The following COL4A6 variants were observed in gnomAD, a reference collection of about 807,000 sequenced individuals.
The protein encoded by COL4A6 is collagen type IV alpha 6 chain.
In COL4A6, 59 loss-of-function variants were observed where a neutral mutation model predicts 126.7. That is an observed-to-expected ratio of 0.47 (90% CI 0.38 to 0.58). The LOEUF is 0.58. COL4A6 is among the 20% of genes least tolerant of loss of function. COL4A6 has a pLI of 0.00. For synonymous variants in COL4A6, 547 were observed against 496.6 expected (o/e 1.10, Z -1.35); for missense variants, 1,285 against 1,337.3 (o/e 0.96, Z 0.61).
intron 13 of COL4A6, among the ~76,000 whole-genome samples, 185 bp from the exon 14 acceptor site, chrX:108,196,764 G>A (rs2035232781): frequency 8.9e-6 from 1 of 111,848 alleles, no homozygotes; most frequent in South Asian, 3.8e-4. Context: ...ATTCATTCAA[G>A]GTTCCCTTTT....
chrX:108,281,181 G>A (rs1248292238), intron 3 of COL4A6, among the ~76,000 whole-genome samples: 7 of 97,369 alleles, frequency 7.2e-5, no homozygotes, highest in African/African-American at 2.6e-4. Flanking sequence ...AGGGTATTCA[G>A]TTAGGAAAAG....
At chrX:108,312,551 G>A (rs186355324) in intron 2 of COL4A6, among the ~76,000 whole-genome samples, 1 of 111,701 alleles carries the variant, frequency 9.0e-6, no homozygotes, top group East Asian at 2.8e-4. Context: ...AGAACTGAGA[G>A]AGCAGCATTG....
chrX:108,432,607 G>A (rs182170749), intron 2 of COL4A6, among the ~76,000 whole-genome samples: 77 of 111,436 alleles, frequency 6.9e-4, no homozygotes, highest in Middle Eastern at 4.6e-3. Flanking sequence ...AGGCCGAGGC[G>A]GGTGGATCAC....
intron 6 of COL4A6, among the ~76,000 whole-genome samples, chrX:108,211,959 A>T (rs2035718238): frequency 9.0e-6 from 1 of 111,224 alleles, no homozygotes; most frequent in Non-Finnish European, 1.9e-5. Flanking sequence ...AAGTCTGTAA[A>T]GGGAAAGGGT....
rs771657315 is a variant in COL4A6 at position 108,160,626 on chromosome X, C to T, written c.4362G>A (p.Gly1454=). ...EGAPGQQGPF[G]MPGMPGQSMR... ...TGCTCTGGCCAGGCATTCCAGGCATCCCGAAGGGGCCTTGCTGCCCTGGAG... is the reference window on the plus strand; with the variant it reads ...TGCTCTGGCCAGGCATTCCAGGCATTCCGAAGGGGCCTTGCTGCCCTGGAG... The change falls in exon 43 of 45, where the codon GGG becomes GGA. Residue 1454 remains glycine (G), a synonymous_variant. Transcript: ENST00000334504. The T allele has an allele frequency of 1.7e-5, 20 of 1,209,156 alleles. No individual in the cohort carries two copies. The South Asian group carries it at 3.4e-4, about 20-fold the overall frequency.
At chrX:108,384,721 A>G (rs920351434) in intron 2 of COL4A6, among the ~76,000 whole-genome samples, 4 of 112,080 alleles carry the variant, frequency 3.6e-5, no homozygotes, top group Non-Finnish European at 5.6e-5. Context: ...ATATTAGAGA[A>G]TAAAGGAAAC....
intron 23 of COL4A6, among the ~76,000 whole-genome samples, 174 bp from the exon 24 acceptor site, chrX:108,181,142 G>A (rs758763825): frequency 8.0e-5 from 9 of 112,475 alleles, no homozygotes; most frequent in African/African-American, 1.3e-4. Flanking sequence ...GTTACAACCA[G>A]TACAGTTGCT....
intron 2 of COL4A6, among the ~76,000 whole-genome samples, chrX:108,406,906 A>C (rs2041218614): frequency 8.9e-6 from 1 of 112,041 alleles, no homozygotes; most frequent in South Asian, 3.7e-4. Context: ...GAGGGCAAGA[A>C]CTAATATGGG....
At chrX:108,400,883 CA>C (rs1294753564) in intron 2 of COL4A6, among the ~76,000 whole-genome samples, 1 of 111,691 alleles carries the variant, frequency 9.0e-6, no homozygotes, top group Non-Finnish European at 1.9e-5. Context: ...AGAAAGTGTT[CA>C]AAGGTATCAA....
intron 3 of COL4A6, among the ~76,000 whole-genome samples, chrX:108,278,843 T>A (rs1319336437): frequency 9.0e-6 from 1 of 111,054 alleles, no homozygotes; most frequent in Non-Finnish European, 1.9e-5. Flanking sequence ...ATATTCAACA[T>A]TCTTAAAGAA....
intron 3 of COL4A6, among the ~76,000 whole-genome samples, chrX:108,298,680 G>A (rs774283680): frequency 9.1e-6 from 1 of 110,317 alleles, no homozygotes; most frequent in Non-Finnish European, 1.9e-5. Flanking sequence ...CCCTGCGGGG[G>A]CTGGTTAAAC....
intron 3 of COL4A6, among the ~76,000 whole-genome samples, chrX:108,288,900 G>T (rs2038083609): frequency 9.0e-6 from 1 of 111,381 alleles, no homozygotes; most frequent in African/African-American, 3.3e-5. Context: ...CACTGAGAAG[G>T]ACATAACATG....
At chrX:108,346,137 A>G (rs1286593541) in intron 2 of COL4A6, among the ~76,000 whole-genome samples, 1 of 111,502 alleles carries the variant, frequency 9.0e-6, no homozygotes, top group Non-Finnish European at 1.9e-5. Flanking sequence ...TGCCACCTGG[A>G]GCCATGTGGA....
intron 2 of COL4A6, among the ~76,000 whole-genome samples, chrX:108,435,380 C>T (rs1317316227): frequency 8.9e-6 from 1 of 112,064 alleles, no homozygotes; most frequent in Non-Finnish European, 1.9e-5. Flanking sequence ...GATGCAAGTA[C>T]ATGTAGATAA....
At chrX:108,327,918 G>T (rs1189879195) in intron 2 of COL4A6, among the ~76,000 whole-genome samples, 3 of 111,019 alleles carry the variant, frequency 2.7e-5, no homozygotes, top group African/African-American at 9.8e-5. Context: ...CACCAATAAC[G>T]ATAACTGCAT....
intron 3 of COL4A6, among the ~76,000 whole-genome samples, chrX:108,302,497 G>A (rs1054602845): frequency 9.0e-6 from 1 of 111,579 alleles, no homozygotes; most frequent in African/African-American, 3.3e-5. Flanking sequence ...GAGTAGAAGT[G>A]TGAGCTCTGC....
intron 3 of COL4A6, among the ~76,000 whole-genome samples, chrX:108,299,836 T>C (rs1276653493): frequency 4.5e-5 from 5 of 112,142 alleles, no homozygotes; most frequent in Admixed American, 9.4e-5. Context: ...GAGCCTGCCA[T>C]GGTCACAGCC....
At chrX:108,310,505 A>G (rs1407518723) in intron 3 of COL4A6, among the ~76,000 whole-genome samples, 1 of 112,076 alleles carries the variant, frequency 8.9e-6, no homozygotes, top group African/African-American at 3.2e-5. Flanking sequence ...AAAACTCCAG[A>G]TGAAACTCTG....
intron 44 of COL4A6, among the ~76,000 whole-genome samples, chrX:108,158,460 C>G (rs1254825351): frequency 8.9e-6 from 1 of 112,040 alleles, no homozygotes; most frequent in Non-Finnish European, 1.9e-5. Flanking sequence ...GGCTAAGAGC[C>G]CTCCCATAAG....
Sources: gnomAD v4.1 joint callset for allele counts (sites outside exome capture counted in the v4.1 genomes callset) on GRCh38, gnomAD v4.1.1 for gene constraint, MANE v1.5 for transcripts, NCBI Gene and HGNC (gene_info 2026-07-23, HGNC 2026-07-21) for gene names.